The following LCOR variants were observed in gnomAD, a reference collection of about 807,000 sequenced individuals.
The protein encoded by LCOR is ligand dependent nuclear receptor corepressor, also known as ligand-dependent corepressor.
A neutral mutation model predicts 64.4 loss-of-function variants in LCOR; 14 were observed. That is an observed-to-expected ratio of 0.22 (90% confidence interval 0.14 to 0.34). LCOR has a LOEUF of 0.34. LCOR is among the 10% of genes least tolerant of loss of function. LCOR has a pLI of 1.00. For synonymous variants in LCOR, 643 were observed against 642.5 expected (o/e 1.00, Z -0.01); for missense variants, 1,686 against 1,765.3 (o/e 0.96, Z 0.80).
chr10:96,895,876 A>T lies in LCOR; in HGVS notation c.-329-11389A>T, dbSNP rs1355023235. On this transcript the variant is annotated intron_variant, in intron 2 of 7. Transcript: ENST00000421806. ...GGCAGAAGGATCGCTTGAGACCAGGAGTTTGAGACCAGCCTGGGCAACATA... is the reference window on the plus strand; with the variant it reads ...GGCAGAAGGATCGCTTGAGACCAGGTGTTTGAGACCAGCCTGGGCAACATA... Among the ~76,000 whole-genome samples the T allele has an allele frequency of 2.0e-5, 3 of 152,226 alleles. No individual in the cohort carries two copies. The East Asian group carries it at 5.8e-4, about 29-fold the overall frequency.
In LCOR at chr10:96,847,000, T is replaced by C. The variant is rs78121166; in HGVS notation, c.-330+13521T>C. Among the ~76,000 whole-genome samples the C allele has an allele frequency of 1.0e-2, 1,519 of 152,242 alleles. 21 individuals are homozygous for C. The highest frequency in any genetic ancestry group is 0.031 in the African/African-American group (1,300 of 41,540). On this transcript the variant is annotated intron_variant, in intron 2 of 7. Coordinates refer to ENST00000421806, the MANE Select transcript of LCOR (RefSeq NM_001346516.2). ...GCTGGGGGCAGTGGCTCCAGCACTT[T>C]GGGAGACCGAGGTGGGAGGATTGCT...
At chr10:96,928,733 G>A (rs1388858306) in intron 4 of LCOR, among the ~76,000 whole-genome samples, 2 of 152,132 alleles carry the variant, frequency 1.3e-5, no homozygotes, top group Non-Finnish European at 2.9e-5. Context: ...ATCCTTCAGA[G>A]GAATCACCAG....
chr10:96,853,072 A>G (rs1290585731), intron 2 of LCOR, among the ~76,000 whole-genome samples: 2 of 152,062 alleles, frequency 1.3e-5, no homozygotes, highest in African/African-American at 4.8e-5. Flanking sequence ...TTTGAGGTGG[A>G]GTCTCGCTCT....
At chr10:96,912,828 A>G (rs1449909616) in intron 4 of LCOR, among the ~76,000 whole-genome samples, 1 of 152,008 alleles carries the variant, frequency 6.6e-6, no homozygotes, top group Non-Finnish European at 1.5e-5. Context: ...CTATTTCCAT[A>G]ATTTCTTCTA....
At chr10:96,867,267 A>G (rs1034358401) in intron 2 of LCOR, among the ~76,000 whole-genome samples, 1 of 152,182 alleles carries the variant, frequency 6.6e-6, no homozygotes, top group African/African-American at 2.4e-5. Context: ...TGCTGGGATT[A>G]TGGGCGTGAG....
chr10:96,940,334 T>TTTTTTA (rs1847431366), intron 4 of LCOR, among the ~76,000 whole-genome samples: 1 of 110,750 alleles, frequency 9.0e-6, no homozygotes, highest in African/African-American at 4.6e-5. Flanking sequence ...TTTTTTTTTT[T>TTTTTTA]ATTGATCATT....
In LCOR at chr10:96,983,324, A is replaced by G. The variant is rs767168945; in HGVS notation, c.2864A>G (p.Asp955Gly). ...GAAATCTATGTTCAGTCTAAAATGG[A>G]TGAGAAGAATGCTCATATCCCCTCA... ...RLEIYVQSKM[D>G]EKNAHIPSES... The change falls in exon 8 of 8, where the codon GAT becomes GGT. Residue 955 changes from aspartate (D) to glycine (G), a missense_variant. Asp to Gly is a moderately conservative substitution (Grantham distance 94, BLOSUM62 -1). Around this residue, in one of 3 missense-constraint regions of LCOR, gnomAD observed 1,293 missense variants for 1,410.4 expected, o/e 0.92. Transcript: ENST00000421806. This position sits in a 1 kb window ranked among gnomAD's most constrained non-coding sequence, Gnocchi z 4.5. The G allele has an allele frequency of 6.2e-7, 1 of 1,614,230 alleles. No individual in the cohort carries two copies. The highest frequency in any genetic ancestry group is 1.1e-5 in the South Asian group (1 of 91,086).
In LCOR at chr10:96,983,178, C is replaced by G; in HGVS notation, c.2718C>G (p.Ile906Met). Residue 906 changes from isoleucine to methionine, a missense_variant, in exon 8 of 8, where the codon ATC becomes ATG. By Grantham distance (10) the Ile-to-Met change is conservative (BLOSUM62 1). Around this residue, in one of 3 missense-constraint regions of LCOR, gnomAD observed 1,293 missense variants for 1,410.4 expected, o/e 0.92. Transcript: ENST00000421806. This position sits in a 1 kb window ranked among gnomAD's most constrained non-coding sequence, Gnocchi z 4.5. ...DAEQEGEGGG[I>M]ITRQTLKNML... ...AGCAGGAGGGCGAAGGCGGGGGGAT[C>G]ATCACCAGGCAGACTTTGAAAAACA... 1 of 1,614,132 alleles carries G rather than the reference C, an allele frequency of 6.2e-7. No homozygotes were observed. The highest frequency in any genetic ancestry group is 8.5e-7 in the Non-Finnish European group (1 of 1,180,036).
chr10:96,937,855 G>A (rs1356556567), intron 4 of LCOR, among the ~76,000 whole-genome samples: 1 of 152,024 alleles, frequency 6.6e-6, no homozygotes, highest in Admixed American at 6.5e-5. Context: ...CAAAACATTA[G>A]CAAATCAAAA....
intron 2 of LCOR, among the ~76,000 whole-genome samples, chr10:96,854,677 C>T (rs1002901942): frequency 6.6e-6 from 1 of 152,102 alleles, no homozygotes; most frequent in African/African-American, 2.4e-5. Context: ...TTAATAGGTG[C>T]TAAGCAGATA....
chr10:96,856,852 C>CA (rs777700896), intron 2 of LCOR, among the ~76,000 whole-genome samples: 353 of 111,824 alleles, frequency 3.2e-3, no homozygotes, highest in Non-Finnish European at 3.9e-3. Context: ...GTAGACAATG[C>CA]AAAAAAAAAA....
chr10:96,882,372 A>G (rs1846278043), intron 2 of LCOR, among the ~76,000 whole-genome samples: 1 of 152,178 alleles, frequency 6.6e-6, no homozygotes, highest in African/African-American at 2.4e-5. Flanking sequence ...AATTGTAGAT[A>G]TTTTTCTTTG....
At chr10:96,837,379 C>T (rs1301375635) in intron 2 of LCOR, among the ~76,000 whole-genome samples, 4 of 152,106 alleles carry the variant, frequency 2.6e-5, no homozygotes, top group Non-Finnish European at 4.4e-5. Flanking sequence ...CCTCAGCCTC[C>T]CAAATAGCTG....
intron 7 of LCOR, chr10:96,959,806 G>A (rs1429020929): frequency 6.6e-6 from 1 of 152,172 alleles, no homozygotes; most frequent in East Asian, 1.9e-4. Flanking sequence ...ATGAATATGA[G>A]TAAGGCTTTG....
At chr10:96,871,509 C>T (rs571223693) in intron 2 of LCOR, among the ~76,000 whole-genome samples, 35 of 152,236 alleles carry the variant, frequency 2.3e-4, no homozygotes, top group African/African-American at 8.4e-4. Flanking sequence ...GCTTCCTGGA[C>T]TCCAGTGATT....
At chr10:96,934,215 A>G (rs1323568139) in intron 4 of LCOR, among the ~76,000 whole-genome samples, 1 of 152,210 alleles carries the variant, frequency 6.6e-6, no homozygotes, top group East Asian at 1.9e-4. Context: ...GATTACATAT[A>G]TTGTTTTTGT....
intron 2 of LCOR, among the ~76,000 whole-genome samples, chr10:96,893,208 C>T (rs1846475472): frequency 6.6e-6 from 1 of 152,112 alleles, no homozygotes; most frequent in South Asian, 2.1e-4. Flanking sequence ...TAGCTCTCCC[C>T]CCTCCAATAA....
chr10:96,853,424 T>G (rs1845752821), intron 2 of LCOR, among the ~76,000 whole-genome samples: 1 of 152,230 alleles, frequency 6.6e-6, no homozygotes, highest in South Asian at 2.1e-4. Context: ...AGATAGTGTT[T>G]CAGTTACCTG....
At chr10:96,853,259 C>T (rs1845749924) in intron 2 of LCOR, among the ~76,000 whole-genome samples, 2 of 152,078 alleles carry the variant, frequency 1.3e-5, no homozygotes, top group African/African-American at 4.8e-5. Flanking sequence ...CCACGTTGGC[C>T]AGGCTCTTGA....
Sources: allele counts gnomAD v4.1 joint callset (sites outside exome capture counted in the v4.1 genomes callset), GRCh38; gene constraint gnomAD v4.1.1; regional missense constraint gnomAD v4.1.1; non-coding constraint Gnocchi (gnomAD v3.1); transcripts MANE v1.5; gene names NCBI Gene and HGNC (gene_info 2026-07-23, HGNC 2026-07-21).